The following MARCHF4 variants were observed in gnomAD, a reference collection of about 807,000 sequenced individuals.
The protein encoded by MARCHF4 is membrane associated ring-CH-type finger 4.
In MARCHF4, 14 loss-of-function variants were observed where a neutral mutation model predicts 43.9. The ratio of observed to expected loss-of-function variants is 0.32; its 90% confidence interval spans 0.21 to 0.50. The LOEUF is 0.50. Ranked by LOEUF, MARCHF4 falls within the 20% of genes least tolerant of loss-of-function variation. The probability of loss-of-function intolerance (pLI) is 0.98; values close to 1 mark genes in which losing one functional copy is unlikely to be tolerated. For synonymous variants in MARCHF4, 226 were observed against 213.3 expected, an observed-to-expected ratio of 1.06 and a Z score of -0.52; for missense variants, 468 against 536.7, an observed-to-expected ratio of 0.87 and a Z score of 1.27.
chr2:216,339,975 C>T (rs1692211756), intron 1 of MARCHF4, among the ~76,000 whole-genome samples: 1 of 152,056 alleles, frequency 6.6e-6, no homozygotes, highest in East Asian at 1.9e-4. Flanking sequence ...TCCCTCCCTG[C>T]TGGGCTCTCC....
chr2:216,308,520 A>G (rs1363263474), intron 1 of MARCHF4, among the ~76,000 whole-genome samples: 1 of 152,260 alleles, frequency 6.6e-6, no homozygotes, highest in African/African-American at 2.4e-5. Context: ...AGGCCTGTGC[A>G]ATCCATATAG....
chr2:216,360,591 C>T (rs182533574), intron 1 of MARCHF4, among the ~76,000 whole-genome samples: 17 of 152,030 alleles, frequency 1.1e-4, no homozygotes, highest in South Asian at 2.1e-4. Context: ...GCCGGGAGAT[C>T]GGGAGTGGAA....
chr2:216,310,037 A>G (rs1691658581), intron 1 of MARCHF4, among the ~76,000 whole-genome samples: 1 of 152,090 alleles, frequency 6.6e-6, no homozygotes, highest in South Asian at 2.1e-4. Context: ...ACAAACTAAT[A>G]ACTCTAGGAT....
chr2:216,329,493 C>G (rs1454808840), intron 1 of MARCHF4, among the ~76,000 whole-genome samples: 1 of 151,382 alleles, frequency 6.6e-6, no homozygotes. Flanking sequence ...TTATATTGGA[C>G]CATAGTAAGA....
chr2:216,348,000 A>G (rs1312267057), intron 1 of MARCHF4, among the ~76,000 whole-genome samples: 1 of 149,672 alleles, frequency 6.7e-6, no homozygotes, highest in African/African-American at 2.5e-5. Context: ...GCTGAGACTC[A>G]CTGGGCTGCA....
chr2:216,303,946 C>G (rs983982327), intron 1 of MARCHF4, among the ~76,000 whole-genome samples: 1 of 152,114 alleles, frequency 6.6e-6, no homozygotes, highest in Admixed American at 6.5e-5. Context: ...ATGGGCAGGT[C>G]AAGAGGTCAC....
At position 216,333,749 on chromosome 2, in the gene MARCHF4, G is replaced by A. The variant is rs551910215; in HGVS notation, c.516+35996C>T. Among the ~76,000 whole-genome samples, 118 of 152,206 alleles carry A rather than the reference G, an allele frequency of 7.8e-4. 2 individuals are homozygous for A. The highest frequency in any genetic ancestry group is 2.7e-3 in the African/African-American group (112 of 41,542). On this transcript the variant is annotated intron_variant, in intron 1 of 3. Coordinates refer to ENST00000273067, the MANE Select transcript of MARCHF4 (RefSeq NM_020814.3). The stretch of plus-strand genomic sequence containing the variant: ...TTCTCACCTTTTCTCCCTCAGGAGC[G>A]TGACGAGGGCTTCTATCCTCCTATA...
intron 1 of MARCHF4, among the ~76,000 whole-genome samples, chr2:216,334,695 C>T (rs12613542): frequency 0.054 from 8,201 of 152,236 alleles, 333 homozygotes; most frequent in South Asian, 0.2. Context: ...GCCACCAGTG[C>T]GCCTGGCCTA....
chr2:216,268,112 A>C (rs1186935311), intron 3 of MARCHF4, among the ~76,000 whole-genome samples: 1 of 152,136 alleles, frequency 6.6e-6, no homozygotes, highest in Non-Finnish European at 1.5e-5. Context: ...GGCCCAGCCC[A>C]ATATTGCTGG....
In MARCHF4 at chr2:216,320,675, C is replaced by T. The variant is rs13025892; in HGVS notation, c.517-36946G>A. 8.7e-3 allele frequency among the ~76,000 whole-genome samples: 287 copies of T among 32,902 alleles called. 2 individuals carry two copies. Among genetic ancestry groups the T allele is most frequent in the African/African-American group, 0.025 (156 of 6,226 alleles). 21.6% of individuals were successfully genotyped at this position (32,902 alleles called of 152,430 possible). On this transcript the variant is annotated intron_variant, in intron 1 of 3. Transcript: ENST00000273067. ...TCTTTCTTTCTTTCTTTCTTTCTTT[C>T]TTTTTTTTTTTTTGAGATGGAGTCC...
At chr2:216,322,718 A>C (rs1053709799) in intron 1 of MARCHF4, among the ~76,000 whole-genome samples, 1 of 152,140 alleles carries the variant, frequency 6.6e-6, no homozygotes, top group Non-Finnish European at 1.5e-5. Context: ...GCTACTAGGG[A>C]GGCTGAGGTG....
intron 1 of MARCHF4, among the ~76,000 whole-genome samples, chr2:216,294,654 C>T (rs1210765048): frequency 6.6e-6 from 1 of 152,150 alleles, no homozygotes; most frequent in Non-Finnish European, 1.5e-5. Context: ...AGGCTTGTTA[C>T]GCATTCAGAA....
chr2:216,346,900 G>C (rs1692329120), intron 1 of MARCHF4, among the ~76,000 whole-genome samples: 1 of 152,158 alleles, frequency 6.6e-6, no homozygotes, highest in African/African-American at 2.4e-5. Flanking sequence ...CTGGAGGGAG[G>C]TGATTAGATC....
At chr2:216,342,784 C>A (rs1221737761) in intron 1 of MARCHF4, among the ~76,000 whole-genome samples, 2 of 152,154 alleles carry the variant, frequency 1.3e-5, no homozygotes. Flanking sequence ...CCAAGTGTGG[C>A]CGCACGGTAC....
intron 3 of MARCHF4, among the ~76,000 whole-genome samples, chr2:216,275,848 A>G (rs772570728): frequency 1.3e-5 from 2 of 152,190 alleles, no homozygotes. Flanking sequence ...TTTGAGATGC[A>G]TTGCAAGTTT....
At chr2:216,369,618 A>AG (rs1311107562) in intron 1 of MARCHF4, 127 bp downstream of exon 1, 3 of 695,592 alleles carry the variant, frequency 4.3e-6, no homozygotes, top group Non-Finnish European at 7.0e-6. Flanking sequence ...AACATCAATG[A>AG]GGGCTCTTAA....
intron 2 of MARCHF4, among the ~76,000 whole-genome samples, chr2:216,282,073 T>C (rs1025710556): frequency 6.6e-6 from 1 of 152,156 alleles, no homozygotes; most frequent in Non-Finnish European, 1.5e-5. Flanking sequence ...TTCAGACCCC[T>C]GCTGGAACCC....
Position 216,371,111 on chromosome 2 carries a change from G to T in MARCHF4, c.-851C>A, listed in dbSNP as rs1050942681. The T allele has an allele frequency of 1.1e-4, 17 of 152,382 alleles. No homozygotes were observed. Among genetic ancestry groups the T allele is most frequent in the African/African-American group, 4.1e-4 (17 of 41,442 alleles). The allele number at this position is 152,382 out of a possible 1,614,324, so 9.4% of individuals were successfully genotyped here. ...GGAAGGAAAAAGGATGGGAGAAAAA[G>T]AAAAGATCGTTTAACCCTTGCAGAG... On this transcript the variant is annotated 5_prime_UTR_variant, in exon 1 of 4. Transcript: ENST00000273067.
rs907094166 is a variant in MARCHF4 at position 216,370,843 on chromosome 2, A to T, written c.-583T>A. On this transcript the variant is annotated 5_prime_UTR_variant, in exon 1 of 4. Coordinates refer to ENST00000273067, the MANE Select transcript of MARCHF4 (RefSeq NM_020814.3). ...GAAAAGATCGTTTTTCTCAGGTGGT[A>T]GGGGTTGGGGGAGTCAAGGTAGGGG... The T allele has an allele frequency of 3.3e-5, 5 of 151,866 alleles. No homozygotes were observed. The highest frequency in any genetic ancestry group is 1.2e-4 in the African/African-American group (5 of 41,310). 9.4% of individuals were successfully genotyped at this position (151,866 alleles called of 1,614,324 possible).
Sources: gnomAD v4.1 joint callset for allele counts (sites outside exome capture counted in the v4.1 genomes callset) on GRCh38, gnomAD v4.1.1 for gene constraint, MANE v1.5 for transcripts, NCBI Gene and HGNC (gene_info 2026-07-23, HGNC 2026-07-21) for gene names.